Variants in BACH2 observed in about 807,000 individuals in gnomAD.
BACH2 encodes the protein transcription regulator protein BACH2.
In BACH2, 5 loss-of-function variants were observed where a neutral mutation model predicts 61.8. The observed-to-expected ratio is 0.08, with a 90% CI of 0.04 to 0.17. The LOEUF is 0.17. Among genes scored for constraint, BACH2 ranks in the 10% least tolerant of loss-of-function variants. The pLI is 1.00. For missense variants in BACH2, 824 were observed against 1,091.1 expected (o/e 0.76, Z 3.45); for synonymous variants, 446 against 440.1 (o/e 1.01, Z -0.17).
intron 4 of BACH2, among the ~76,000 whole-genome samples, chr6:90,092,291 A>AAAAAAAAAAAAAAAATATAT: frequency 7.0e-5 from 8 of 113,830 alleles, no homozygotes; most frequent in African/African-American, 2.5e-4. Context: ...AAAAAAAAAA[A>AAAAAAAAAAAAAAAATATAT]ATATATATAT....
At chr6:90,158,160 AG>A (rs1785058192) in intron 4 of BACH2, among the ~76,000 whole-genome samples, 1 of 152,252 alleles carries the variant, frequency 6.6e-6, no homozygotes, top group African/African-American at 2.4e-5. Context: ...GAAGACAGTG[AG>A]GGTGAGCTTG....
intron 4 of BACH2, among the ~76,000 whole-genome samples, chr6:90,092,520 C>G (rs759315060): frequency 5.9e-5 from 9 of 151,862 alleles, no homozygotes; most frequent in Non-Finnish European, 1.2e-4. Context: ...CTGGGCACCC[C>G]ACTCACTGCC....
intron 3 of BACH2, among the ~76,000 whole-genome samples, chr6:90,251,646 CTCTT>C (rs1442831395): frequency 1.3e-5 from 2 of 152,258 alleles, no homozygotes; most frequent in African/African-American, 4.8e-5. Context: ...TTTGCCCTCT[CTCTT>C]TCTAACTTAG....
At chr6:90,010,151 T>C (rs1363054999) in intron 5 of BACH2, among the ~76,000 whole-genome samples, 1 of 152,228 alleles carries the variant, frequency 6.6e-6, no homozygotes, top group Non-Finnish European at 1.5e-5. Flanking sequence ...AATTTGATGT[T>C]TTGATTGTGT....
At chr6:90,015,833 T>C (rs1478291830) in intron 5 of BACH2, among the ~76,000 whole-genome samples, 1 of 152,220 alleles carries the variant, frequency 6.6e-6, no homozygotes, top group African/African-American at 2.4e-5. Flanking sequence ...CTTTTGTCTA[T>C]AGGTTCCGTC....
chr6:90,038,812 G>A (rs771835244), intron 5 of BACH2, among the ~76,000 whole-genome samples: 4 of 152,138 alleles, frequency 2.6e-5, no homozygotes, highest in Admixed American at 6.5e-5. Context: ...GCTGAGGTGG[G>A]TGGATCATGA....
intron 4 of BACH2, among the ~76,000 whole-genome samples, chr6:90,092,221 G>T (rs573933312): frequency 2.3e-4 from 33 of 146,654 alleles, no homozygotes; most frequent in African/African-American, 8.4e-4. Context: ...ATACTTCGAA[G>T]CAACCCACTT....
chr6:90,186,024 TTTTTTGCAGCATATACACTCATAG>T (rs1325494710), intron 4 of BACH2, among the ~76,000 whole-genome samples: 2 of 152,164 alleles, frequency 1.3e-5, no homozygotes, highest in African/African-American at 4.8e-5. Flanking sequence ...TTTAAAAAAT[TTTTTTGCAGCATATACACTCATAG>T]AAGAGACCGA....
chr6:90,167,359 T>C (rs933175404), intron 4 of BACH2, among the ~76,000 whole-genome samples: 2 of 151,770 alleles, frequency 1.3e-5, no homozygotes, highest in Non-Finnish European at 2.9e-5. Context: ...CCTTTTTTCT[T>C]TTTCTTTTTT....
rs1167901705 is a variant in BACH2 at position 90,103,028 on chromosome 6, TA to T, written c.-161-13920del. The stretch of plus-strand genomic sequence containing the variant: ...ATACATATATATATATATATATATA[TA>T]TTTTTTTTTTTTTTTTTTTTTTACC... On this transcript the variant is annotated intron_variant, in intron 4 of 8. Transcript: ENST00000257749. Among the ~76,000 whole-genome samples the T allele has an allele frequency of 7.1e-3, 345 of 48,816 alleles. 3 individuals carry two copies. The highest frequency in any genetic ancestry group is 0.013 in the African/African-American group (142 of 11,224). 32.0% of individuals were successfully genotyped at this position (48,816 alleles called of 152,430 possible).
At chr6:90,012,088 A>T (rs1030830032) in intron 5 of BACH2, among the ~76,000 whole-genome samples, 1 of 151,764 alleles carries the variant, frequency 6.6e-6, no homozygotes, top group African/African-American at 2.4e-5. Flanking sequence ...GAGCCACTGT[A>T]CCCAGCCTCT....
chr6:89,938,133 G>T lies in BACH2; in HGVS notation c.2043+11C>A. The T allele has an allele frequency of 6.2e-7, 1 of 1,610,912 alleles. No individual in the cohort carries two copies. Among genetic ancestry groups the T allele is most frequent in the South Asian group, 1.1e-5 (1 of 90,984 alleles). ...TTCAGGTTGCTGATCACAATGGATG[G>T]GTCAACTCACCAATTTGCGGATTTC... On this transcript the variant is annotated intron_variant, in intron 8 of 8. Transcript: ENST00000257749.
intron 6 of BACH2, among the ~76,000 whole-genome samples, chr6:89,988,781 G>A (rs1776380924): frequency 6.6e-6 from 1 of 152,174 alleles, no homozygotes; most frequent in Non-Finnish European, 1.5e-5. Context: ...TTTCTTATGA[G>A]CAACTGGAGG....
intron 3 of BACH2, among the ~76,000 whole-genome samples, chr6:90,211,167 T>C (rs1191873870): frequency 1.4e-5 from 2 of 138,640 alleles, no homozygotes; most frequent in Non-Finnish European, 3.1e-5. Flanking sequence ...ACAAAGTAAG[T>C]CTAAGAAGAA....
chr6:90,109,387 G>C (rs1474076114), intron 4 of BACH2, among the ~76,000 whole-genome samples: 1 of 152,110 alleles, frequency 6.6e-6, no homozygotes, highest in Non-Finnish European at 1.5e-5. Context: ...CTCCTCTGCA[G>C]AGTCCTCCTC....
intron 5 of BACH2, among the ~76,000 whole-genome samples, chr6:90,021,768 C>A (rs1778391170): frequency 6.6e-6 from 1 of 152,168 alleles, no homozygotes; most frequent in African/African-American, 2.4e-5. Context: ...AAGTGAAAAG[C>A]AATCCAATTT....
chr6:90,209,501 T>C (rs536219690), intron 3 of BACH2, among the ~76,000 whole-genome samples: 1 of 152,350 alleles, frequency 6.6e-6, no homozygotes, highest in African/African-American at 2.4e-5. Flanking sequence ...CTTTTCAATG[T>C]ATGTATCCAT....
In BACH2 at chr6:90,266,760, A is replaced by G. The variant is rs569570623; in HGVS notation, c.-353+5089T>C. 4.6e-5 allele frequency among the ~76,000 whole-genome samples: 7 copies of G among 152,196 alleles called. No homozygotes were observed. In the South Asian group the frequency reaches 1.5e-3, roughly 32 times the overall value. On this transcript the variant is annotated intron_variant, in intron 2 of 8. Coordinates refer to ENST00000257749, the MANE Select transcript of BACH2 (RefSeq NM_021813.4). Reference sequence around the variant, plus strand: ...TTTCCAGGGGTTGAGGGATAAGGGGAATGAGGAGTGACTGCTTAATGGGGA... The same window carrying G: ...TTTCCAGGGGTTGAGGGATAAGGGGGATGAGGAGTGACTGCTTAATGGGGA...
At chr6:90,280,574 C>T (rs1380201539) in intron 1 of BACH2, among the ~76,000 whole-genome samples, 1 of 152,172 alleles carries the variant, frequency 6.6e-6, no homozygotes, top group African/African-American at 2.4e-5. Flanking sequence ...ATCTTAGAGA[C>T]ATTTAGCCCA....
Sources: gnomAD v4.1 joint callset for allele counts (sites outside exome capture counted in the v4.1 genomes callset) on GRCh38, gnomAD v4.1.1 for gene constraint, MANE v1.5 for transcripts, NCBI Gene and HGNC (gene_info 2026-07-23, HGNC 2026-07-21) for gene names.